LRRC20: variants seen among roughly 807,000 people sequenced by gnomAD.
The protein encoded by LRRC20 is leucine rich repeat containing 20.
In LRRC20, 11 loss-of-function variants were observed where a neutral mutation model predicts 14.4. The ratio of observed to expected loss-of-function variants is 0.77; its 90% CI spans 0.48 to 1.27. The LOEUF (loss-of-function observed/expected upper bound fraction) is 1.27. LRRC20 is among the 50% of genes most tolerant of loss of function. The pLI is 0.00. For missense variants in LRRC20, 219 were observed against 251.2 expected (o/e 0.87, Z 0.87); for synonymous variants, 121 against 107.3 (o/e 1.13, Z -0.79).
chr10:70,347,034 T>A (rs1013462472), intron 2 of LRRC20, among the ~76,000 whole-genome samples: 1 of 152,080 alleles, frequency 6.6e-6, no homozygotes, highest in African/African-American at 2.4e-5. Flanking sequence ...TACAGGTGCA[T>A]GCCACCATGC....
chr10:70,325,400 A>G (rs775042607), intron 3 of LRRC20, among the ~76,000 whole-genome samples: 1 of 152,062 alleles, frequency 6.6e-6, no homozygotes, highest in Non-Finnish European at 1.5e-5. Context: ...CTGTTCTGCA[A>G]TGATACTGCA....
chr10:70,359,986 G>A (rs1279194901), intron 2 of LRRC20, among the ~76,000 whole-genome samples: 2 of 147,200 alleles, frequency 1.4e-5, no homozygotes, highest in Non-Finnish European at 3.0e-5. Flanking sequence ...GCGTGATCTC[G>A]GCTCACTGCA....
chr10:70,323,981 A>T lies in LRRC20; in HGVS notation c.282T>A (p.Ser94Arg). The stretch of plus-strand genomic sequence containing the variant: ...CAATGGCCTTGAGGTGCTGCAGGGC[A>T]CTGACCTCGCTGGGGAGGCGGTGTA... ...NFLHRLPSEV[S>R]ALQHLKAIDL... The change falls in exon 4 of 5, where the codon AGT (serine) becomes AGA (arginine). Residue 94 changes from serine to arginine, a missense_variant. Ser to Arg is a moderately radical substitution (Grantham distance 110, BLOSUM62 -1). Coordinates refer to ENST00000446961, the MANE Select transcript of LRRC20 (RefSeq NM_001278212.2). 1 of 1,613,728 alleles carries T rather than the reference A, an allele frequency of 6.2e-7. No individual in the cohort carries two copies. The highest frequency in any genetic ancestry group is 8.5e-7 in the Non-Finnish European group (1 of 1,179,620).
chr10:70,334,822 G>A (rs529415959), intron 3 of LRRC20, among the ~76,000 whole-genome samples: 2 of 152,320 alleles, frequency 1.3e-5, no homozygotes, highest in South Asian at 2.1e-4. Context: ...GCACCAAGGC[G>A]GTTGCCAGAG....
At chr10:70,377,202 G>A (rs779748871) in intron 1 of LRRC20, among the ~76,000 whole-genome samples, 4 of 152,194 alleles carry the variant, frequency 2.6e-5, no homozygotes, top group Non-Finnish European at 5.9e-5. Flanking sequence ...GGAAGGAGAG[G>A]TTACAGTACT....
At chr10:70,320,606 G>C (rs1842040793) in intron 4 of LRRC20, among the ~76,000 whole-genome samples, 1 of 152,210 alleles carries the variant, frequency 6.6e-6, no homozygotes, top group Non-Finnish European at 1.5e-5. Context: ...CCACCCAGCT[G>C]AGTACCTGCT....
At chr10:70,357,852 A>T (rs1013761588) in intron 2 of LRRC20, among the ~76,000 whole-genome samples, 5 of 152,234 alleles carry the variant, frequency 3.3e-5, no homozygotes, top group Admixed American at 6.5e-5. Flanking sequence ...AGCCAGGATG[A>T]CACTAACAGT....
intron 4 of LRRC20, among the ~76,000 whole-genome samples, chr10:70,311,998 G>A (rs1293069452): frequency 6.6e-6 from 1 of 152,206 alleles, no homozygotes; most frequent in Admixed American, 6.5e-5. Flanking sequence ...CGGCTGAGAA[G>A]CAGGATGATT....
chr10:70,359,113 C>T (rs1250732514), intron 2 of LRRC20, among the ~76,000 whole-genome samples: 1 of 152,176 alleles, frequency 6.6e-6, no homozygotes, highest in African/African-American at 2.4e-5. Flanking sequence ...CTGAAAGAAA[C>T]TAGCTCTGTG....
chr10:70,339,278 C>T (rs1842825141), intron 3 of LRRC20, among the ~76,000 whole-genome samples: 1 of 152,204 alleles, frequency 6.6e-6, no homozygotes, highest in Non-Finnish European at 1.5e-5. Context: ...GCTATGAATG[C>T]TGGTCGTCTT....
chr10:70,340,036 G>A (rs1243653202), intron 3 of LRRC20, among the ~76,000 whole-genome samples: 1 of 151,532 alleles, frequency 6.6e-6, no homozygotes, highest in Non-Finnish European at 1.5e-5. Context: ...CAGGAGAATC[G>A]CTTGAACCTG....
intron 2 of LRRC20, among the ~76,000 whole-genome samples, chr10:70,358,654 C>T (rs1012765367): frequency 2.6e-5 from 4 of 152,340 alleles, no homozygotes; most frequent in South Asian, 4.1e-4. Flanking sequence ...TCAAGCTCAC[C>T]GACCATGCTG....
At chr10:70,357,616 A>C (rs1843574440) in intron 2 of LRRC20, among the ~76,000 whole-genome samples, 1 of 152,200 alleles carries the variant, frequency 6.6e-6, no homozygotes, top group Non-Finnish European at 1.5e-5. Flanking sequence ...CTGGACGAGG[A>C]GACAACCGCA....
intron 2 of LRRC20, among the ~76,000 whole-genome samples, chr10:70,351,285 G>A (rs1843297516): frequency 6.6e-6 from 1 of 152,144 alleles, no homozygotes; most frequent in Non-Finnish European, 1.5e-5. Flanking sequence ...CATGAAATTT[G>A]TTTTTAACAA....
intron 2 of LRRC20, among the ~76,000 whole-genome samples, chr10:70,362,017 T>A (rs753918786): frequency 2.7e-4 from 41 of 152,062 alleles, no homozygotes; most frequent in Non-Finnish European, 4.1e-4. Context: ...TGAAACCCCG[T>A]CTCTACTAAA....
At position 70,301,055 on chromosome 10, in the gene LRRC20, G is replaced by T. The variant is rs1409501162; in HGVS notation, c.*299C>A. 1.7e-6 allele frequency: 2 copies of T among 1,171,608 alleles called. No homozygotes were observed. The highest frequency in any genetic ancestry group is 4.6e-5 in the Admixed American group (1 of 21,730). 72.6% of individuals were successfully genotyped at this position (1,171,608 alleles called of 1,614,324 possible). On this transcript the variant is annotated 3_prime_UTR_variant, in exon 5 of 5. Coordinates refer to ENST00000446961, the MANE Select transcript of LRRC20 (RefSeq NM_001278212.2). ...CTCCAGGGAGCCCAAAGGAGGGAAA[G>T]GGTCCTGTTTTTTTCAAGTGACAAG...
At position 70,314,192 on chromosome 10, in the gene LRRC20, G is replaced by A. The variant is rs544417028; in HGVS notation, c.400+9671C>T. On this transcript the variant is annotated intron_variant, in intron 4 of 4. Coordinates refer to ENST00000446961, the MANE Select transcript of LRRC20 (RefSeq NM_001278212.2). ...TTATGGGAGCTACAATTCAAGATGAGATTTGGGTGGGGACACAGCCAAACC... is the reference window on the plus strand; with the variant it reads ...TTATGGGAGCTACAATTCAAGATGAAATTTGGGTGGGGACACAGCCAAACC... Among the ~76,000 whole-genome samples the A allele has an allele frequency of 5.4e-4, 82 of 152,228 alleles. 1 individual carries two copies. Among genetic ancestry groups the A allele is most frequent in the African/African-American group, 1.9e-3 (79 of 41,504 alleles).
At chr10:70,342,135 C>A (rs920259553) in intron 2 of LRRC20, among the ~76,000 whole-genome samples, 1 of 151,868 alleles carries the variant, frequency 6.6e-6, no homozygotes, top group Non-Finnish European at 1.5e-5. Context: ...CCCATCTCTA[C>A]TAAAAATACA....
chr10:70,375,980 G>A (rs1191587935), intron 2 of LRRC20, among the ~76,000 whole-genome samples: 3 of 152,074 alleles, frequency 2.0e-5, no homozygotes, highest in Non-Finnish European at 4.4e-5. Context: ...GAGTGTAAAG[G>A]GGTCTCCTAG....
Sources: gnomAD v4.1 joint callset for allele counts (sites outside exome capture counted in the v4.1 genomes callset) on GRCh38, gnomAD v4.1.1 for gene constraint, MANE v1.5 for transcripts, NCBI Gene and HGNC (gene_info 2026-07-23, HGNC 2026-07-21) for gene names.